Variants in UBE2O observed in about 807,000 individuals in gnomAD.
UBE2O encodes ubiquitin conjugating enzyme E2 O.
A neutral mutation model predicts 125.8 loss-of-function variants in UBE2O; 15 were observed. The observed-to-expected ratio is 0.12, with a 90% CI of 0.08 to 0.18. The LOEUF is 0.18. UBE2O is among the 10% of genes least tolerant of loss of function. The probability of loss-of-function intolerance (pLI) is 1.00; values close to 1 mark genes in which losing one functional copy is unlikely to be tolerated. For synonymous variants in UBE2O, 708 were observed against 703.2 expected (o/e 1.01, Z -0.11); for missense variants, 1,280 against 1,723.6 (o/e 0.74, Z 4.56).
At chr17:76,424,465 T>C (rs2072770389) in intron 1 of UBE2O, among the ~76,000 whole-genome samples, 1 of 152,170 alleles carries the variant, frequency 6.6e-6, no homozygotes, top group South Asian at 2.1e-4. Flanking sequence ...CACCTCAGCC[T>C]CCCAAAGTGC....
rs145605062 is a variant in UBE2O at position 76,396,585 on chromosome 17, G to A, written c.2352C>T (p.Ala784=). The change falls in exon 14 of 18, where the codon GCC becomes GCT. Residue 784 remains alanine (A), a synonymous_variant. Transcript: ENST00000319380. The surrounding 1 kb of genome is among the most constrained non-coding windows in gnomAD (Gnocchi z 6.7). ...CAGCCATGGCCACAGCCCCCTGGAC[G>A]GCAGCTGTGGCTGCCTCTTCACTGA... ...VVISEEAATA[A]VQGAVAMAAP... is the part of the protein sequence containing the mutation. 12,352 of 1,606,912 alleles carry A rather than the reference G, an allele frequency of 7.7e-3. 67 individuals are homozygous for A. Among genetic ancestry groups the A allele is most frequent in the Non-Finnish European group, 8.8e-3 (10,393 of 1,177,062 alleles).
intron 1 of UBE2O, chr17:76,430,904 GC>G: frequency 2.4e-6 from 1 of 409,550 alleles, no homozygotes; most frequent in South Asian, 1.9e-5. Flanking sequence ...AGCTTTTCTT[GC>G]CATCCTAGCC....
rs915436077 is a variant in UBE2O at position 76,399,657 on chromosome 17, G to A, written c.1420C>T (p.His474Tyr). Residue 474 changes from histidine (H) to tyrosine (Y), a missense_variant, in exon 9 of 18, where the codon CAC (histidine) becomes TAC (tyrosine). By Grantham distance (83) the His-to-Tyr change is moderately conservative (BLOSUM62 2). Transcript: ENST00000319380. The surrounding 1 kb of genome is among the most constrained non-coding windows in gnomAD (Gnocchi z 6.9). The stretch of plus-strand genomic sequence containing the variant: ...TCATCTGCGTCCTGCTCTGCCGAGT[G>A]CAGCCTGTCATCTCTGCCTTCTTTT... ...LLKEGRDDRL[H>Y]SAEQDADDEA... 5.0e-6 allele frequency: 8 copies of A among 1,614,186 alleles called. No homozygotes were observed. The highest frequency in any genetic ancestry group is 2.2e-5 in the East Asian group (1 of 44,884).
chr17:76,436,059 C>A (rs942177153), intron 1 of UBE2O, among the ~76,000 whole-genome samples: 5 of 152,174 alleles, frequency 3.3e-5, no homozygotes, highest in Non-Finnish European at 5.9e-5. Context: ...CTAGCCTGGG[C>A]AACATGGCGA....
At chr17:76,401,557 A>G (rs1452180694) in intron 5 of UBE2O, among the ~76,000 whole-genome samples, 2 of 152,012 alleles carry the variant, frequency 1.3e-5, no homozygotes, top group South Asian at 2.1e-4. Context: ...AAAGGATGAG[A>G]AAAAAAAGCT....
At position 76,440,571 on chromosome 17, in the gene UBE2O, G is replaced by A. The variant is rs937587493; in HGVS notation, c.417+12154C>T. ...TCGAACTCCTGGCCTCAAGTGATCC[G>A]CCTGGCTTGGCCTCCCAAAGTGTTG... is the stretch of plus-strand genomic sequence containing the variant. On this transcript the variant is annotated intron_variant, in intron 1 of 17. Coordinates refer to ENST00000319380, the MANE Select transcript of UBE2O (RefSeq NM_022066.4). Among the ~76,000 whole-genome samples, 8 of 152,284 alleles carry A rather than the reference G, an allele frequency of 5.3e-5. No homozygotes were observed. The South Asian group carries it at 1.0e-3, about 20-fold the overall frequency.
In UBE2O at chr17:76,418,821, G is replaced by A. The variant is rs190499798; in HGVS notation, c.418-13249C>T. ...CCTGACCTCGTGATCCACCCGCGTC[G>A]GCCTCCCAAAGTGCTGGGATTACAG... On this transcript the variant is annotated intron_variant, in intron 1 of 17. Transcript: ENST00000319380. 9.7e-3 allele frequency among the ~76,000 whole-genome samples: 1,470 copies of A among 152,154 alleles called. 13 individuals are homozygous for A. Among genetic ancestry groups the A allele is most frequent in the Non-Finnish European group, 0.014 (973 of 67,998 alleles).
rs1190192855 is a variant in UBE2O, at chr17:76,391,444, C to A, written c.3378G>T (p.Glu1126Asp). Residue 1126 changes from glutamate (E) to aspartate (D), a missense_variant, in exon 18 of 18, where the codon GAG becomes GAT. Glu to Asp is a conservative substitution (Grantham distance 45). Coordinates refer to ENST00000319380, the MANE Select transcript of UBE2O (RefSeq NM_022066.4). The surrounding 1 kb of genome is among the most constrained non-coding windows in gnomAD (Gnocchi z 8.4). Reference sequence around the variant, plus strand: ...CACCAGTGCTAAAGTGTTGCCTGATCTCCTGCTCAAAGACCTCGGGGGGCC... The same window carrying A: ...CACCAGTGCTAAAGTGTTGCCTGATATCCTGCTCAAAGACCTCGGGGGGCC... Reference protein sequence around the residue: ...VRRPPEVFEQEIRQHFSTGGW... With the variant: ...VRRPPEVFEQDIRQHFSTGGW... 2.5e-6 allele frequency: 4 copies of A among 1,613,794 alleles called. No homozygotes were observed. The highest frequency in any genetic ancestry group is 3.4e-6 in the Non-Finnish European group (4 of 1,180,032).
chr17:76,416,083 A>G (rs2072607526), intron 1 of UBE2O, among the ~76,000 whole-genome samples: 1 of 151,664 alleles, frequency 6.6e-6, no homozygotes, highest in South Asian at 2.1e-4. Context: ...GTGTATACAT[A>G]TGTACATACA....
Position 76,400,120 on chromosome 17 carries a change from C to T in UBE2O, c.1155+27G>A. On this transcript the variant is annotated intron_variant, in intron 8 of 17. Transcript: ENST00000319380. The surrounding 1 kb of genome is among the most constrained non-coding windows in gnomAD (Gnocchi z 4.3). ...GCTCAAGGCCAGTTCCTCAAATGCC[C>T]ACCAATCCCCAACCCCAAGGACATA... The T allele has an allele frequency of 6.2e-7, 1 of 1,603,442 alleles. No individual in the cohort carries two copies. Among genetic ancestry groups the T allele is most frequent in the Non-Finnish European group, 8.5e-7 (1 of 1,173,538 alleles).
rs768831252 is a variant in UBE2O, at chr17:76,392,003, G to C, written c.3057C>G (p.Phe1019Leu). 3 of 1,598,514 alleles carry C rather than the reference G, an allele frequency of 1.9e-6. No homozygotes were observed. Among genetic ancestry groups the C allele is most frequent in the Admixed American group, 1.8e-5 (1 of 56,094 alleles). The change falls in exon 16 of 18, where the codon TTC (phenylalanine) becomes TTG (leucine). Residue 1019 changes from phenylalanine (F) to leucine (L), a missense_variant. Coordinates refer to ENST00000319380, the MANE Select transcript of UBE2O (RefSeq NM_022066.4). The part of the protein sequence containing the change: ...PNIYPAVPPH[F>L]CYLSQCSGRL... ...GGCCACTGCATTGGGAGAGGTAGCA[G>C]AAGTGGGGGGGCACGGCTGGGTAGA...
chr17:76,400,460 T>C lies in UBE2O; in HGVS notation c.985A>G (p.Thr329Ala), dbSNP rs1220824039. 4 of 1,612,186 alleles carry C rather than the reference T, an allele frequency of 2.5e-6. No individual in the cohort carries two copies. Among genetic ancestry groups the C allele is most frequent in the Non-Finnish European group, 3.4e-6 (4 of 1,179,230 alleles). ...GCTTACCTGCCTAGGTTTTCCTGGG[T>C]GATGACAGAGGGTGGGGGGCTGACG... ...DSVSPPPSVI[T>A]QENLGRVKRL... The change falls in exon 7 of 18, where the codon ACC becomes GCC. Residue 329 changes from threonine (T) to alanine (A), a missense_variant. Thr to Ala is a moderately conservative substitution (Grantham distance 58). Coordinates refer to ENST00000319380, the MANE Select transcript of UBE2O (RefSeq NM_022066.4). This position sits in a 1 kb window ranked among gnomAD's most constrained non-coding sequence, Gnocchi z 4.3.
Position 76,452,784 on chromosome 17 carries a change from C to T in UBE2O, c.358G>A (p.Gly120Ser). 4.6e-6 allele frequency: 7 copies of T among 1,523,498 alleles called. No homozygotes were observed. The highest frequency in any genetic ancestry group is 5.3e-6 in the Non-Finnish European group (6 of 1,142,598). The allele number at this position is 1,523,498 out of a possible 1,614,324, so 94.4% of individuals were successfully genotyped here. ...GGGTACCACTGGACGCGCACGTAGC[C>T]GCGGCGCAGGGGGCTGGCCCGGCCC... is the stretch of plus-strand genomic sequence containing the variant. ...EEGRASPLRRGYVRVQWYPEG... is the reference protein window; with the variant it reads ...EEGRASPLRRSYVRVQWYPEG... The change falls in exon 1 of 18, where the codon GGC becomes AGC. Residue 120 changes from glycine (G) to serine (S), a missense_variant. Coordinates refer to ENST00000319380, the MANE Select transcript of UBE2O (RefSeq NM_022066.4). The surrounding 1 kb of genome is among the most constrained non-coding windows in gnomAD (Gnocchi z 4.4).
rs118057296 is a variant in UBE2O at position 76,433,175 on chromosome 17, G to A, written c.417+19550C>T. 7.1e-3 allele frequency among the ~76,000 whole-genome samples: 1,072 copies of A among 150,684 alleles called. 11 individuals carry two copies. Among genetic ancestry groups the A allele is most frequent in the Non-Finnish European group, 0.011 (766 of 67,822 alleles). On this transcript the variant is annotated intron_variant, in intron 1 of 17. Coordinates refer to ENST00000319380, the MANE Select transcript of UBE2O (RefSeq NM_022066.4). The stretch of plus-strand genomic sequence containing the variant: ...GCATTATTCAGAATAGCCAAAAGGT[G>A]AAAATGACACAACAACAAATGTCCA...
intron 1 of UBE2O, among the ~76,000 whole-genome samples, chr17:76,412,386 C>T (rs2072531502): frequency 6.6e-6 from 1 of 152,196 alleles, no homozygotes; most frequent in Non-Finnish European, 1.5e-5. Context: ...CGCCACTCCT[C>T]CACCCCCTCC....
At chr17:76,432,753 CA>C (rs1166352019) in intron 1 of UBE2O, among the ~76,000 whole-genome samples, 9 of 152,144 alleles carry the variant, frequency 5.9e-5, no homozygotes, top group African/African-American at 2.2e-4. Context: ...ACAGAAAACT[CA>C]GTTCAAAAAT....
intron 13 of UBE2O, among the ~76,000 whole-genome samples, chr17:76,397,332 A>G (rs957416012): frequency 6.6e-6 from 1 of 152,030 alleles, no homozygotes; most frequent in African/African-American, 2.4e-5. Flanking sequence ...AGGAGAGGAG[A>G]GCTGGGCTGT....
At chr17:76,412,925 T>C (rs1413233142) in intron 1 of UBE2O, among the ~76,000 whole-genome samples, 2 of 152,066 alleles carry the variant, frequency 1.3e-5, no homozygotes, top group Non-Finnish European at 2.9e-5. Flanking sequence ...GGAGAATCGT[T>C]TGAACCCGGG....
At chr17:76,447,923 T>C (rs758289118) in intron 1 of UBE2O, among the ~76,000 whole-genome samples, 1 of 152,216 alleles carries the variant, frequency 6.6e-6, no homozygotes, top group African/African-American at 2.4e-5. Flanking sequence ...GTGGCCATCC[T>C]AGGCTTGACC....
Sources: allele counts gnomAD v4.1 joint callset (sites outside exome capture counted in the v4.1 genomes callset), GRCh38; gene constraint gnomAD v4.1.1; non-coding constraint Gnocchi (gnomAD v3.1); transcripts MANE v1.5; gene names NCBI Gene and HGNC (gene_info 2026-07-23, HGNC 2026-07-21).